Variants in ZDHHC20 observed in about 807,000 individuals in gnomAD.
The protein encoded by ZDHHC20 is zDHHC palmitoyltransferase 20, also known as palmitoyltransferase ZDHHC20.
A neutral mutation model predicts 57.8 loss-of-function variants in ZDHHC20; 43 were observed. The ratio of observed to expected loss-of-function variants is 0.74; its 90% CI spans 0.58 to 0.96. The LOEUF (loss-of-function observed/expected upper bound fraction) is 0.96. Ranked by LOEUF, ZDHHC20 falls within the 40% of genes least tolerant of loss-of-function variation. ZDHHC20 has a pLI of 0.00. For missense variants in ZDHHC20, 391 were observed against 441.1 expected (o/e 0.89, Z 1.02); for synonymous variants, 157 against 153.0 (o/e 1.03, Z -0.19).
chr13:21,443,736 A>G (rs1325415578), intron 1 of ZDHHC20, among the ~76,000 whole-genome samples: 1 of 152,268 alleles, frequency 6.6e-6, no homozygotes, highest in Admixed American at 6.5e-5. Flanking sequence ...CATGAATAGT[A>G]AGGATAATTA....
intron 11 of ZDHHC20, among the ~76,000 whole-genome samples, chr13:21,380,712 A>G (rs973297646): frequency 2.0e-5 from 3 of 151,402 alleles, no homozygotes; most frequent in African/African-American, 4.8e-5. Context: ...GAATCACTTG[A>G]ACCCGGGAGG....
intron 1 of ZDHHC20, among the ~76,000 whole-genome samples, chr13:21,453,168 T>C (rs2138068318): frequency 6.6e-6 from 1 of 152,330 alleles, no homozygotes; most frequent in East Asian, 1.9e-4. Flanking sequence ...TTAGTGCCCA[T>C]GTTAATATCT....
chr13:21,452,842 G>A (rs2138067115), intron 1 of ZDHHC20, among the ~76,000 whole-genome samples: 1 of 151,942 alleles, frequency 6.6e-6, no homozygotes, highest in African/African-American at 2.4e-5. Flanking sequence ...TAAGGAGATA[G>A]AATCATTTTT....
intron 11 of ZDHHC20, among the ~76,000 whole-genome samples, chr13:21,379,552 G>T (rs1275811614): frequency 1.3e-5 from 2 of 152,068 alleles, no homozygotes; most frequent in African/African-American, 4.8e-5. Context: ...GAAGTGCTGG[G>T]ATTACAGGTG....
At chr13:21,427,345 T>C (rs1045259093) in intron 1 of ZDHHC20, among the ~76,000 whole-genome samples, 2 of 152,192 alleles carry the variant, frequency 1.3e-5, no homozygotes, top group African/African-American at 4.8e-5. Flanking sequence ...CTAGTATATG[T>C]AGTATAGATG....
intron 1 of ZDHHC20, among the ~76,000 whole-genome samples, chr13:21,443,296 A>G (rs190081065): frequency 1.1e-4 from 16 of 151,996 alleles, no homozygotes; most frequent in Middle Eastern, 3.4e-3. Flanking sequence ...TTGCATTCTC[A>G]GTTGCTATGC....
At chr13:21,416,760 A>G (rs1336918466) in intron 3 of ZDHHC20, among the ~76,000 whole-genome samples, 1 of 152,252 alleles carries the variant, frequency 6.6e-6, no homozygotes, top group Non-Finnish European at 1.5e-5. Context: ...CAAAGGGAAC[A>G]GCATACAGAA....
At chr13:21,447,439 C>T (rs901239033) in intron 1 of ZDHHC20, among the ~76,000 whole-genome samples, 4 of 147,492 alleles carry the variant, frequency 2.7e-5, no homozygotes, top group Admixed American at 6.8e-5. Context: ...ATTGCAGGCA[C>T]GCGCCGCCAC....
At chr13:21,417,625 G>T (rs1484443324) in intron 3 of ZDHHC20, among the ~76,000 whole-genome samples, 2 of 152,088 alleles carry the variant, frequency 1.3e-5, no homozygotes, top group African/African-American at 4.8e-5. Flanking sequence ...TTTTAGTAGA[G>T]ATGGGGTTTC....
In ZDHHC20 at chr13:21,375,346, G is replaced by GT. The variant is rs1555252694; in HGVS notation, c.*1349_*1350insA. The stretch of plus-strand genomic sequence containing the variant: ...CTGGAAGCAATCAATTATTTTGGGG[G>GT]GGGTGTGTGTGTGTGTGTGTCTGTC... On this transcript the variant is annotated 3_prime_UTR_variant, in exon 13 of 13. Coordinates refer to ENST00000400590, the MANE Select transcript of ZDHHC20 (RefSeq NM_001330059.2). The GT allele has an allele frequency of 2.2e-5, 8 of 365,936 alleles. No individual in the cohort carries two copies. Among genetic ancestry groups the GT allele is most frequent in the African/African-American group, 1.7e-4 (8 of 46,686 alleles). 22.7% of individuals were successfully genotyped at this position (365,936 alleles called of 1,614,324 possible).
At chr13:21,420,024 C>T (rs1436505356) in intron 3 of ZDHHC20, among the ~76,000 whole-genome samples, 8 of 152,180 alleles carry the variant, frequency 5.3e-5, no homozygotes, top group East Asian at 1.9e-4. Context: ...AAATGGCTCA[C>T]GCCTGTAATC....
rs578084516 is a variant in ZDHHC20, at chr13:21,394,779, T to C, written c.595-2925A>G. ...TAGTATGTTGTGAACTGAACAAAGG[T>C]GCCCAGCTAAGGGGGAAATCAAAAG... On this transcript the variant is annotated intron_variant, in intron 7 of 12. Transcript: ENST00000400590. Among the ~76,000 whole-genome samples, 10 of 152,270 alleles carry C rather than the reference T, an allele frequency of 6.6e-5. No individual in the cohort carries two copies. The South Asian group carries it at 2.1e-3, about 32-fold the overall frequency.
chr13:21,400,864 C>A (rs1320660559), intron 6 of ZDHHC20, among the ~76,000 whole-genome samples: 1 of 152,000 alleles, frequency 6.6e-6, no homozygotes. Flanking sequence ...GCGCCCAACA[C>A]AACAGCCGGC....
chr13:21,404,283 A>C (rs1952331110), intron 4 of ZDHHC20: 1 of 492,634 alleles, frequency 2.0e-6, no homozygotes, highest in South Asian at 1.5e-5. Flanking sequence ...CCTTTTCTAA[A>C]GCCGACTTCC....
chr13:21,438,452 G>A (rs1352275890), intron 1 of ZDHHC20, among the ~76,000 whole-genome samples: 2 of 152,180 alleles, frequency 1.3e-5, no homozygotes, highest in African/African-American at 4.8e-5. Context: ...CTGCAGATGT[G>A]GTGAAAACAG....
chr13:21,427,212 C>T (rs1016836783), intron 1 of ZDHHC20, among the ~76,000 whole-genome samples: 7 of 152,088 alleles, frequency 4.6e-5, no homozygotes, highest in African/African-American at 1.7e-4. Context: ...GGAATAAATG[C>T]TCCTTGAAGT....
intron 4 of ZDHHC20, among the ~76,000 whole-genome samples, chr13:21,411,945 G>C (rs1019055477): frequency 1.3e-5 from 2 of 152,220 alleles, no homozygotes; most frequent in Non-Finnish European, 2.9e-5. Flanking sequence ...TTGCATAATA[G>C]GCCATTCAAG....
chr13:21,388,699 C>T (rs750209724), intron 8 of ZDHHC20, among the ~76,000 whole-genome samples: 23 of 152,184 alleles, frequency 1.5e-4, no homozygotes, highest in Middle Eastern at 3.2e-3. Context: ...AGAGCTAAGG[C>T]CCTCCATGAG....
chr13:21,440,000 G>A (rs1882959527), intron 1 of ZDHHC20, among the ~76,000 whole-genome samples: 2 of 142,450 alleles, frequency 1.4e-5, no homozygotes, highest in African/African-American at 5.2e-5. Context: ...CCAGGAGGCA[G>A]AGGTTTCAGT....
Sources: allele counts gnomAD v4.1 joint callset (sites outside exome capture counted in the v4.1 genomes callset), GRCh38; gene constraint gnomAD v4.1.1; transcripts MANE v1.5; gene names NCBI Gene and HGNC (gene_info 2026-07-23, HGNC 2026-07-21).